The following RCL1 variants were observed in gnomAD, a reference collection of about 807,000 sequenced individuals.
The protein encoded by RCL1 is RNA terminal phosphate cyclase like 1, also known as RNA 3'-terminal phosphate cyclase-like protein.
A neutral mutation model predicts 42.4 loss-of-function variants in RCL1; 24 were observed. The ratio of observed to expected loss-of-function variants is 0.57; its 90% CI spans 0.41 to 0.80. The LOEUF (loss-of-function observed/expected upper bound fraction) is 0.80, where lower values mean the gene tolerates loss of function less well. RCL1 is among the 30% of genes least tolerant of loss of function. RCL1 has a pLI of 0.00. For missense variants in RCL1, 578 were observed against 467.9 expected (o/e 1.24, Z -2.17); for synonymous variants, 228 against 177.3 (o/e 1.29, Z -2.27).
intron 7 of RCL1, 61 bp from the exon 8 acceptor site, chr9:4,849,384 TCC>T: frequency 7.9e-7 from 1 of 1,269,838 alleles, no homozygotes; most frequent in Non-Finnish European, 1.1e-6. Flanking sequence ...GTTTTTTTTT[TCC>T]TCCTCTCTTT....
intron 8 of RCL1, among the ~76,000 whole-genome samples, chr9:4,850,924 A>G (rs1470780991): frequency 6.6e-6 from 1 of 152,054 alleles, no homozygotes; most frequent in Admixed American, 6.5e-5. Flanking sequence ...CACACACGGT[A>G]TGAGGTATGG....
chr9:4,832,370 T>C (rs1467299913), intron 3 of RCL1, among the ~76,000 whole-genome samples: 1 of 152,238 alleles, frequency 6.6e-6, no homozygotes. Flanking sequence ...GTGCTCATCA[T>C]TGGCATTCTT....
chr9:4,813,423 A>G (rs1402778940), intron 1 of RCL1, among the ~76,000 whole-genome samples: 1 of 152,276 alleles, frequency 6.6e-6, no homozygotes, highest in African/African-American at 2.4e-5. Flanking sequence ...TGCAGCCAAC[A>G]GACACATGAA....
At chr9:4,822,447 A>G (rs1816625177) in intron 1 of RCL1, among the ~76,000 whole-genome samples, 1 of 152,142 alleles carries the variant, frequency 6.6e-6, no homozygotes, top group African/African-American at 2.4e-5. Context: ...TTCTCCTCCC[A>G]TAATCTTACA....
At chr9:4,851,561 G>C (rs1036371772) in intron 8 of RCL1, among the ~76,000 whole-genome samples, 1 of 152,206 alleles carries the variant, frequency 6.6e-6, no homozygotes, top group African/African-American at 2.4e-5. Context: ...GGATAAAAAA[G>C]GGATGAAATC....
intron 1 of RCL1, among the ~76,000 whole-genome samples, chr9:4,806,017 G>GGGGT (rs1554636232): frequency 1.4e-4 from 20 of 142,832 alleles, no homozygotes; most frequent in Admixed American, 3.5e-4. Context: ...ATACCATTGG[G>GGGGT]GTGTGTGTGT....
chr9:4,857,272 A>T (rs1470436043), intron 8 of RCL1, among the ~76,000 whole-genome samples: 1 of 152,140 alleles, frequency 6.6e-6, no homozygotes, highest in Non-Finnish European at 1.5e-5. Flanking sequence ...CACTCTCCCC[A>T]GCCCCAGGCA....
rs746118381 is a variant in RCL1 at position 4,793,159 on chromosome 9, C to G, written c.68C>G (p.Ser23Cys). The G allele has an allele frequency of 2.2e-5, 35 of 1,612,048 alleles. No individual in the cohort carries two copies. The highest frequency in any genetic ancestry group is 3.3e-5 in the South Asian group (3 of 90,648). ...CNFLRQRLVLSTLSGRPVKIR... is the reference protein window; with the variant it reads ...CNFLRQRLVLCTLSGRPVKIR... The stretch of plus-strand genomic sequence containing the variant: ...TTCTTGCGCCAACGTCTGGTCCTGT[C>G]TACCCTGAGCGGGCGCCCCGTCAAA... The change falls in exon 1 of 9, where the codon TCT becomes TGT. Residue 23 changes from serine to cysteine, a missense_variant. Ser to Cys is a moderately radical substitution (Grantham distance 112). Coordinates refer to ENST00000381750, the MANE Select transcript of RCL1 (RefSeq NM_005772.5).
intron 6 of RCL1, among the ~76,000 whole-genome samples, chr9:4,843,201 T>C (rs931364564): frequency 1.3e-5 from 2 of 152,232 alleles, no homozygotes; most frequent in African/African-American, 4.8e-5. Flanking sequence ...TGGATGGGTA[T>C]TTCTCTCTTC....
chr9:4,834,332 C>G lies in RCL1; in HGVS notation c.584+67C>G, dbSNP rs187693726. 1.7e-4 allele frequency: 266 copies of G among 1,523,826 alleles called. No homozygotes were observed. In the East Asian group the frequency reaches 4.9e-3, roughly 28 times the overall value. The allele number at this position is 1,523,826 out of a possible 1,614,324, so 94.4% of individuals were successfully genotyped here. On this transcript the variant is annotated intron_variant, in intron 5 of 8. Transcript: ENST00000381750. Reference sequence around the variant, plus strand: ...TGTTGCCTCACTAAGATAAGAATGACTAACAGCTTTACTTCTTCCCGAGGT... The same window carrying G: ...TGTTGCCTCACTAAGATAAGAATGAGTAACAGCTTTACTTCTTCCCGAGGT...
chr9:4,840,735 C>T (rs1817288949), intron 5 of RCL1, among the ~76,000 whole-genome samples: 1 of 152,200 alleles, frequency 6.6e-6, no homozygotes, highest in Non-Finnish European at 1.5e-5. Flanking sequence ...TTTTCTGCTT[C>T]TCCCATCAGC....
chr9:4,858,497 C>G (rs1218027276), intron 8 of RCL1, among the ~76,000 whole-genome samples: 1 of 152,168 alleles, frequency 6.6e-6, no homozygotes, highest in African/African-American at 2.4e-5. Flanking sequence ...AGTTTTAGCT[C>G]TTACAGCTAT....
intron 1 of RCL1, among the ~76,000 whole-genome samples, chr9:4,812,225 A>G (rs1024830275): frequency 6.6e-6 from 1 of 151,920 alleles, no homozygotes; most frequent in Non-Finnish European, 1.5e-5. Context: ...TTTGTTGCCT[A>G]TGCTTTTGAG....
chr9:4,827,826 T>C (rs951590748), intron 3 of RCL1, among the ~76,000 whole-genome samples: 3 of 151,382 alleles, frequency 2.0e-5, no homozygotes, highest in African/African-American at 7.3e-5. Flanking sequence ...TGTCCAGGCC[T>C]CCCTCCCTTG....
rs201783339 is a variant in RCL1, at chr9:4,855,048, G to A, written c.972-5077G>A. ...AGCCTGGGTGACAGAGCAAGACTCC[G>A]TCTCAAAAAAAAAAAAAAAAAAAAA... On this transcript the variant is annotated intron_variant, in intron 8 of 8. Coordinates refer to ENST00000381750, the MANE Select transcript of RCL1 (RefSeq NM_005772.5). 4.4e-3 allele frequency among the ~76,000 whole-genome samples: 342 copies of A among 77,514 alleles called. 1 individual carries two copies. Among genetic ancestry groups the A allele is most frequent in the Non-Finnish European group, 7.0e-3 (264 of 37,890 alleles). The allele number at this position is 77,514 out of a possible 152,430, so 50.9% of individuals were successfully genotyped here. A position where few individuals can be genotyped will look rare whatever the true frequency, so the allele number is the denominator to read the frequency against.
At chr9:4,845,086 A>G (rs1457875079) in intron 7 of RCL1, among the ~76,000 whole-genome samples, 1 of 152,256 alleles carries the variant, frequency 6.6e-6, no homozygotes, top group African/African-American at 2.4e-5. Flanking sequence ...CTTTTAAGAG[A>G]AGCTAGAAAT....
intron 2 of RCL1, among the ~76,000 whole-genome samples, chr9:4,824,049 G>A (rs1816680624): frequency 6.6e-6 from 1 of 152,082 alleles, no homozygotes; most frequent in African/African-American, 2.4e-5. Context: ...TTTCAGCAAA[G>A]TCTCTCCTCT....
In RCL1 at chr9:4,823,215, A is replaced by G. The variant is rs1009818778; in HGVS notation, c.137-333A>G. Among the ~76,000 whole-genome samples, 7 of 151,536 alleles carry G rather than the reference A, an allele frequency of 4.6e-5. No individual in the cohort carries two copies. The South Asian group carries it at 8.3e-4, about 18-fold the overall frequency. ...TTATTTGGCATGTCCTCCTGAGTTC[A>G]GAAGAATAGGTCTTAAGGGTTTTAT... On this transcript the variant is annotated intron_variant, in intron 1 of 8. Coordinates refer to ENST00000381750, the MANE Select transcript of RCL1 (RefSeq NM_005772.5).
chr9:4,821,095 C>G (rs1166318169), intron 1 of RCL1, among the ~76,000 whole-genome samples: 2 of 152,144 alleles, frequency 1.3e-5, no homozygotes, highest in East Asian at 3.8e-4. Context: ...TTAAACTGAA[C>G]AGAGGCAAAC....
Sources: allele counts gnomAD v4.1 joint callset (sites outside exome capture counted in the v4.1 genomes callset), GRCh38; gene constraint gnomAD v4.1.1; transcripts MANE v1.5; gene names NCBI Gene and HGNC (gene_info 2026-07-23, HGNC 2026-07-21).